The following ABI2 variants were observed in gnomAD, a reference collection of about 807,000 sequenced individuals.
ABI2 encodes the protein abl interactor 2, also known as abelson interactor 2.
In ABI2, 25 loss-of-function variants were observed where a neutral mutation model predicts 59.2. The ratio of observed to expected loss-of-function variants is 0.42; its 90% CI spans 0.31 to 0.59. The LOEUF is 0.59. Among genes scored for constraint, ABI2 ranks in the 20% least tolerant of loss-of-function variants. The probability of loss-of-function intolerance (pLI) is 0.14; values close to 1 mark genes in which losing one functional copy is unlikely to be tolerated. For missense variants in ABI2, 545 were observed against 681.8 expected, an observed-to-expected ratio of 0.80 and a Z score of 2.23; for synonymous variants, 213 against 235.5, an observed-to-expected ratio of 0.90 and a Z score of 0.87.
chr2:203,426,850 T>C (rs2098438529), intron 11 of ABI2, among the ~76,000 whole-genome samples: 1 of 150,776 alleles, frequency 6.6e-6, no homozygotes, highest in Non-Finnish European at 1.5e-5. Flanking sequence ...GAAACAGCCA[T>C]CTTTCTTGAT....
intron 1 of ABI2, among the ~76,000 whole-genome samples, chr2:203,354,059 T>G (rs1346893926): frequency 6.6e-6 from 1 of 152,202 alleles, no homozygotes; most frequent in Non-Finnish European, 1.5e-5. Flanking sequence ...ATTTATTTAT[T>G]TTTGAGACAA....
At chr2:203,342,820 T>A (rs1361963736) in intron 1 of ABI2, among the ~76,000 whole-genome samples, 1 of 151,996 alleles carries the variant, frequency 6.6e-6, no homozygotes, top group East Asian at 1.9e-4. Context: ...TTAAATTGCC[T>A]GGCTTGATAT....
intron 1 of ABI2, among the ~76,000 whole-genome samples, chr2:203,330,101 T>C (rs967493266): frequency 3.9e-5 from 6 of 152,182 alleles, no homozygotes; most frequent in Non-Finnish European, 7.3e-5. Flanking sequence ...GTTACAATTT[T>C]ATAGGTTCAT....
intron 2 of ABI2, among the ~76,000 whole-genome samples, chr2:203,378,417 G>T (rs1374624525): frequency 6.6e-6 from 1 of 151,908 alleles, no homozygotes; most frequent in Non-Finnish European, 1.5e-5. Context: ...GGCTGAGATT[G>T]TTTTTTTCTT....
chr2:203,342,572 A>ATTTATTTAT (rs2080637698), intron 1 of ABI2, among the ~76,000 whole-genome samples: 1 of 149,884 alleles, frequency 6.7e-6, no homozygotes, highest in Non-Finnish European at 1.5e-5. Context: ...TTATTTATTT[A>ATTTATTTAT]TTTATTTATT....
chr2:203,425,269 G>C (rs936172224), intron 11 of ABI2, among the ~76,000 whole-genome samples: 1 of 151,840 alleles, frequency 6.6e-6, no homozygotes, highest in African/African-American at 2.4e-5. Flanking sequence ...TGTCACCAAG[G>C]CTGGAGGGAA....
At chr2:203,346,235 T>G (rs1451899135) in intron 1 of ABI2, among the ~76,000 whole-genome samples, 1 of 152,174 alleles carries the variant, frequency 6.6e-6, no homozygotes, top group African/African-American at 2.4e-5. Flanking sequence ...TTTAAATCTT[T>G]GAGGAGTTTA....
chr2:203,329,341 A>AT (rs11376266), intron 1 of ABI2: 69,919 of 100,810 alleles, frequency 0.69, 25,168 homozygotes, highest in South Asian at 0.77. Flanking sequence ...TCCTGGTTTA[A>AT]TTTTTTTTTT....
At chr2:203,384,938 G>T (rs1355760849) in intron 4 of ABI2, among the ~76,000 whole-genome samples, 1 of 149,698 alleles carries the variant, frequency 6.7e-6, no homozygotes, top group African/African-American at 2.5e-5. Flanking sequence ...GGGTTCAGGC[G>T]ATTCTCCAGC....
Position 203,424,810 on chromosome 2 carries a change from G to C in ABI2, c.1454-2367G>C, listed in dbSNP as rs766122478. Among the ~76,000 whole-genome samples, 4 of 152,284 alleles carry C rather than the reference G, an allele frequency of 2.6e-5. No individual in the cohort carries two copies. The South Asian group carries it at 8.3e-4, about 32-fold the overall frequency. ...AGCTGAACAGTTGTTAAAACTCTCA[G>C]CTCTCTACCATTATAAACAGTCTCT... On this transcript the variant is annotated intron_variant, in intron 11 of 11. Transcript: ENST00000261018.
chr2:203,415,382 C>A (rs563434404), intron 10 of ABI2, among the ~76,000 whole-genome samples: 152 of 152,170 alleles, frequency 1.0e-3, no homozygotes, highest in Non-Finnish European at 9.3e-4. Flanking sequence ...CTTTGGGAGG[C>A]CGAGGTGGGC....
chr2:203,358,114 T>TG (rs58019010), intron 1 of ABI2, among the ~76,000 whole-genome samples: 6,168 of 96,072 alleles, frequency 0.064, 131 homozygotes, highest in African/African-American at 0.077. Context: ...TGTGTGTGTG[T>TG]TTGTTTGTTT....
At chr2:203,357,129 T>A (rs777305006) in intron 1 of ABI2, among the ~76,000 whole-genome samples, 38 of 152,228 alleles carry the variant, frequency 2.5e-4, no homozygotes, top group Admixed American at 2.4e-3. Flanking sequence ...ATATAAAATT[T>A]GTGATTTGTT....
chr2:203,391,846 A>G (rs1049258996), intron 5 of ABI2, among the ~76,000 whole-genome samples: 1 of 151,274 alleles, frequency 6.6e-6, no homozygotes, highest in Non-Finnish European at 1.5e-5. Flanking sequence ...AAAGAAGAAT[A>G]TGGAGCTTTA....
intron 8 of ABI2, among the ~76,000 whole-genome samples, chr2:203,399,838 G>T (rs1028839976): frequency 1.3e-5 from 2 of 152,030 alleles, no homozygotes; most frequent in Admixed American, 1.3e-4. Context: ...TTTTGATGTT[G>T]TATTTCAAAT....
At chr2:203,366,749 C>A in intron 1 of ABI2, 128 bp from the exon 2 acceptor site, 2 of 871,814 alleles carry the variant, frequency 2.3e-6, no homozygotes, top group Non-Finnish European at 1.6e-6. Context: ...GTTTTCAATT[C>A]TGGTGGATTA....
At chr2:203,384,029 T>A (rs559984608) in intron 4 of ABI2, among the ~76,000 whole-genome samples, 1 of 152,184 alleles carries the variant, frequency 6.6e-6, no homozygotes, top group Non-Finnish European at 1.5e-5. Flanking sequence ...AGTTTAACTT[T>A]TACTATTTTA....
At position 203,328,650 on chromosome 2, in the gene ABI2, TGGGCCGCGTCGGGGACCCCCCCGCCGG is replaced by T; in HGVS notation, c.117+28_117+54del. 1.3e-6 allele frequency: 2 copies of T among 1,510,672 alleles called. No homozygotes were observed. Among genetic ancestry groups the T allele is most frequent in the Admixed American group, 2.1e-5 (1 of 47,324 alleles). 93.6% of individuals were successfully genotyped at this position (1,510,672 alleles called of 1,614,324 possible). A position where few individuals can be genotyped will look rare whatever the true frequency, so the allele number is the denominator to read the frequency against. ...CATACAGGTGCGAAGCATCCCCAGC[TGGGCCGCGTCGGGGACCCCCCCGCCGG>T]GGGCCGCGCGCCTCGGGGCGTGGGG... On this transcript the variant is annotated intron_variant, in intron 1 of 11. Transcript: ENST00000261018.
At chr2:203,419,340 C>T (rs1404900814) in intron 11 of ABI2, among the ~76,000 whole-genome samples, 3 of 149,820 alleles carry the variant, frequency 2.0e-5, no homozygotes, top group Admixed American at 6.7e-5. Flanking sequence ...CCTCATGATC[C>T]GCCCGCCTAG....
Sources: allele counts gnomAD v4.1 joint callset (sites outside exome capture counted in the v4.1 genomes callset), GRCh38; gene constraint gnomAD v4.1.1; transcripts MANE v1.5; gene names NCBI Gene and HGNC (gene_info 2026-07-23, HGNC 2026-07-21).